Variants in KRAS observed in about 807,000 individuals in gnomAD.
KRAS encodes GTPase KRas.
KRAS carries 1 observed loss-of-function variant against 21.0 expected under a neutral mutation model. That is an observed-to-expected ratio of 0.05 (90% CI 0.02 to 0.23). KRAS has a LOEUF of 0.23. KRAS is among the 10% of genes least tolerant of loss of function. The pLI, the probability that KRAS is intolerant of heterozygous loss-of-function variation, is 1.00. For missense variants in KRAS, 107 were observed against 221.8 expected (o/e 0.48, Z 3.29); for synonymous variants, 67 against 72.5 (o/e 0.92, Z 0.39).
rs1181859525 is a variant in KRAS, at chr12:25,206,068, C to T, written c.*3727G>A. On this transcript the variant is annotated 3_prime_UTR_variant, in exon 5 of 5. Transcript: ENST00000311936. ...GTTTTTGCTGTCTAAAAAAAAATCC[C>T]CTAAAAAAAGTTATATACTGTTTGA... 4.8e-6 allele frequency: 1 copy of T among 209,342 alleles called. No individual in the cohort carries two copies. Among genetic ancestry groups the T allele is most frequent in the Non-Finnish European group, 9.7e-6 (1 of 103,618 alleles). 13.0% of individuals were successfully genotyped at this position (209,342 alleles called of 1,614,324 possible).
chr12:25,222,395 A>G (rs531424524), intron 4 of KRAS, among the ~76,000 whole-genome samples: 2 of 152,264 alleles, frequency 1.3e-5, no homozygotes, highest in South Asian at 2.1e-4. Flanking sequence ...AGGAAGATTA[A>G]TAAGACTTTT....
At chr12:25,248,166 G>A (rs932086437) in intron 1 of KRAS, among the ~76,000 whole-genome samples, 2 of 151,916 alleles carry the variant, frequency 1.3e-5, no homozygotes, top group African/African-American at 4.8e-5. Flanking sequence ...CGGCCCCTTC[G>A]ATAATTTTTA....
In KRAS at chr12:25,207,727, A is replaced by C. The variant is rs1350868320; in HGVS notation, c.*2068T>G. The C allele has an allele frequency of 8.6e-6, 2 of 232,418 alleles. No individual in the cohort carries two copies. Among genetic ancestry groups the C allele is most frequent in the Non-Finnish European group, 1.7e-5 (2 of 117,630 alleles). 14.4% of individuals were successfully genotyped at this position (232,418 alleles called of 1,614,324 possible). A position where few individuals can be genotyped will look rare whatever the true frequency, so the allele number is the denominator to read the frequency against. On this transcript the variant is annotated 3_prime_UTR_variant, in exon 5 of 5. Coordinates refer to ENST00000311936, the MANE Select transcript of KRAS (RefSeq NM_004985.5). ...AGGTTTGAAAAATCCTACTGTCGCT[A>C]ATGGATTGGGCAGCAAAGAGATGTT...
At chr12:25,241,832 C>T (rs1201809570) in intron 2 of KRAS, among the ~76,000 whole-genome samples, 1 of 152,128 alleles carries the variant, frequency 6.6e-6, no homozygotes, top group Non-Finnish European at 1.5e-5. Flanking sequence ...CCAAATGTCC[C>T]CTGGAGGGCA....
At chr12:25,245,543 T>C in intron 1 of KRAS, 148 bp from the exon 2 acceptor site, 1 of 869,572 alleles carries the variant, frequency 1.1e-6, no homozygotes. Flanking sequence ...AATTCAATCA[T>C]GAAAATTCCA....
At chr12:25,220,997 C>T (rs1268689864) in intron 4 of KRAS, among the ~76,000 whole-genome samples, 2 of 140,640 alleles carry the variant, frequency 1.4e-5, no homozygotes, top group African/African-American at 5.4e-5. Flanking sequence ...TGCACTCCAG[C>T]CTGGGTGACA....
At chr12:25,220,448 G>A (rs1008512245) in intron 4 of KRAS, among the ~76,000 whole-genome samples, 5 of 152,208 alleles carry the variant, frequency 3.3e-5, no homozygotes, top group African/African-American at 1.2e-4. Context: ...AAAAAGTACA[G>A]CTGGGCACAG....
Position 25,207,677 on chromosome 12 carries a change from G to T in KRAS, c.*2118C>A, listed in dbSNP as rs904169404. On this transcript the variant is annotated 3_prime_UTR_variant, in exon 5 of 5. Coordinates refer to ENST00000311936, the MANE Select transcript of KRAS (RefSeq NM_004985.5). The stretch of plus-strand genomic sequence containing the variant: ...ATCTTTATTAAATTCTCCTTCCACT[G>T]GATAGGGTTCTGTCTATTCATACCA... 1.7e-5 allele frequency: 4 copies of T among 232,162 alleles called. No homozygotes were observed. The highest frequency in any genetic ancestry group is 3.4e-5 in the Non-Finnish European group (4 of 117,506). 14.4% of individuals were successfully genotyped at this position (232,162 alleles called of 1,614,324 possible).
In KRAS at chr12:25,207,278, C is replaced by A; in HGVS notation, c.*2517G>T. On this transcript the variant is annotated 3_prime_UTR_variant, in exon 5 of 5. Transcript: ENST00000311936. ...AGTTCTGCAAAACAGGTTTATGAGGCCAAGGTGGGTGAATCACTTGAGGTC... is the reference window on the plus strand; with the variant it reads ...AGTTCTGCAAAACAGGTTTATGAGGACAAGGTGGGTGAATCACTTGAGGTC... The A allele has an allele frequency of 5.1e-6, 1 of 197,998 alleles. No individual in the cohort carries two copies. The highest frequency in any genetic ancestry group is 7.9e-5 in the East Asian group (1 of 12,676). 12.3% of individuals were successfully genotyped at this position (197,998 alleles called of 1,614,324 possible).
In KRAS at chr12:25,232,359, T is replaced by G. The variant is rs374447391; in HGVS notation, c.112-4947A>C. ...TGACAAAGACCCATATGGCCCTTTA[T>G]AGAAAAGTTTGCCAACTCCTGCTGT... On this transcript the variant is annotated intron_variant, in intron 2 of 4. Coordinates refer to ENST00000311936, the MANE Select transcript of KRAS (RefSeq NM_004985.5). Among the ~76,000 whole-genome samples the G allele has an allele frequency of 3.9e-5, 6 of 152,336 alleles. No individual in the cohort carries two copies. In the South Asian group the frequency reaches 1.2e-3, roughly 32 times the overall value.
At chr12:25,228,748 C>A (rs1464831880) in intron 2 of KRAS, among the ~76,000 whole-genome samples, 2 of 152,122 alleles carry the variant, frequency 1.3e-5, no homozygotes, top group Admixed American at 6.5e-5. Context: ...CTTAAGGTCA[C>A]TGAATTGAAC....
At chr12:25,232,067 A>G (rs1951480328) in intron 2 of KRAS, among the ~76,000 whole-genome samples, 1 of 152,116 alleles carries the variant, frequency 6.6e-6, no homozygotes, top group Non-Finnish European at 1.5e-5. Flanking sequence ...TCAGCCCTCC[A>G]TATCTGCATT....
chr12:25,223,716 A>G (rs1248639474), intron 4 of KRAS, among the ~76,000 whole-genome samples: 1 of 152,198 alleles, frequency 6.6e-6, no homozygotes. Context: ...CTGGATAATG[A>G]TTTACATTTA....
At chr12:25,210,168 G>C (rs1039700441) in intron 4 of KRAS, among the ~76,000 whole-genome samples, 1 of 152,060 alleles carries the variant, frequency 6.6e-6, no homozygotes, top group Non-Finnish European at 1.5e-5. Flanking sequence ...TTTTAAATAA[G>C]GTAACGACTT....
At chr12:25,222,577 T>C (rs1004494723) in intron 4 of KRAS, among the ~76,000 whole-genome samples, 2 of 152,204 alleles carry the variant, frequency 1.3e-5, no homozygotes, top group African/African-American at 4.8e-5. Flanking sequence ...AGTACAAGTA[T>C]TCTTTCATAC....
At chr12:25,236,796 A>G (rs1272653973) in intron 2 of KRAS, among the ~76,000 whole-genome samples, 1 of 152,172 alleles carries the variant, frequency 6.6e-6, no homozygotes, top group Non-Finnish European at 1.5e-5. Context: ...AATTGTTGGT[A>G]GGAATGTAAA....
chr12:25,250,874 TCGCCGCCGCCACTGCCGCCGC>T lies in KRAS; in HGVS notation c.-156_-136del, dbSNP rs1157755968. On this transcript the variant is annotated 5_prime_UTR_variant, in exon 1 of 5. Transcript: ENST00000311936. The stretch of plus-strand genomic sequence containing the variant: ...AGTACTGGCCGAGCCGCCGCCACCT[TCGCCGCCGCCACTGCCGCCGC>T]CGCTGCTGCCTCCGCCGCCGCGGCC... 7.0e-5 allele frequency: 17 copies of T among 242,696 alleles called. No homozygotes were observed. The highest frequency in any genetic ancestry group is 1.2e-4 in the Non-Finnish European group (16 of 128,972). The allele number at this position is 242,696 out of a possible 1,614,324, so 15.0% of individuals were successfully genotyped here.
rs1246690864 is a variant in KRAS, at chr12:25,205,670, C to CAGTT, written c.*4121_*4124dup. The stretch of plus-strand genomic sequence containing the variant: ...AACTTTCGGATAAAACACTGTAACC[C>CAGTT]AGTTAGCTCTGTGGGGGTGTGGGGG... On this transcript the variant is annotated 3_prime_UTR_variant, in exon 5 of 5. Transcript: ENST00000311936. 4 of 225,446 alleles carry CAGTT rather than the reference C, an allele frequency of 1.8e-5. No individual in the cohort carries two copies. The Admixed American group carries it at 2.3e-4, about 13-fold the overall frequency. The allele number at this position is 225,446 out of a possible 1,614,324, so 14.0% of individuals were successfully genotyped here.
At chr12:25,250,069 G>A (rs902195656) in intron 1 of KRAS, among the ~76,000 whole-genome samples, 41 of 152,130 alleles carry the variant, frequency 2.7e-4, no homozygotes, top group Non-Finnish European at 5.9e-5. Context: ...CATACATGGG[G>A]GAGGGGAGCA....
Sources: allele counts gnomAD v4.1 joint callset (sites outside exome capture counted in the v4.1 genomes callset), GRCh38; gene constraint gnomAD v4.1.1; transcripts MANE v1.5; gene names NCBI Gene and HGNC (gene_info 2026-07-23, HGNC 2026-07-21).